TENM2: variants seen among roughly 807,000 people sequenced by gnomAD.
TENM2 encodes teneurin transmembrane protein 2.
TENM2 carries 52 observed loss-of-function variants against 245.2 expected under a neutral mutation model. That is an observed-to-expected ratio of 0.21 (90% CI 0.17 to 0.27). The LOEUF is 0.27. Among genes scored for constraint, TENM2 ranks in the 10% least tolerant of loss-of-function variants. TENM2 has a pLI of 1.00. For missense variants in TENM2, 3,046 were observed against 3,666.8 expected (o/e 0.83, Z 4.37); for synonymous variants, 1,363 against 1,438.9 (o/e 0.95, Z 1.19).
At chr5:166,985,593 C>T in the TENM2 span, among the ~76,000 whole-genome samples, 12 of 152,026 alleles carry the variant, frequency 7.9e-5, no homozygotes, top group Non-Finnish European at 1.8e-4. Flanking sequence ...CATAATCAGA[C>T]GCAGTCAGAT....
At chr5:168,118,391 A>C in exon 10 of TENM2, 3 of 1,611,710 alleles carry the variant, frequency 1.9e-6, no homozygotes, top group Non-Finnish European at 2.5e-6. Flanking sequence ...GTGCCCATGA[A>C]TCAGTGCATC....
intron 3 of TENM2, among the ~76,000 whole-genome samples, chr5:167,950,147 T>C (rs900715237): frequency 6.6e-6 from 1 of 152,190 alleles, no homozygotes; most frequent in African/African-American, 2.4e-5. Flanking sequence ...AAAGAGAACT[T>C]GACCTCTCTT....
chr5:167,340,982 C>T (rs193288769), intron 1 of TENM2, among the ~76,000 whole-genome samples: 230 of 151,902 alleles, frequency 1.5e-3, no homozygotes, highest in African/African-American at 5.3e-3. Flanking sequence ...TTTCTCTCTC[C>T]TCCCGTCCCT....
chr5:167,925,652 C>A (rs1490026589), intron 3 of TENM2, among the ~76,000 whole-genome samples: 1 of 152,168 alleles, frequency 6.6e-6, no homozygotes, highest in Non-Finnish European at 1.5e-5. Context: ...GAGGCACGCA[C>A]ATAAATGTTC....
intron 1 of TENM2, among the ~76,000 whole-genome samples, chr5:167,320,093 A>G (rs758164802): frequency 6.6e-6 from 1 of 152,212 alleles, no homozygotes; most frequent in Non-Finnish European, 1.5e-5. Context: ...AAGTACTTCT[A>G]TTAGTCCCAC....
At chr5:167,366,305 A>C (rs533337017) in intron 1 of TENM2, among the ~76,000 whole-genome samples, 12 of 152,262 alleles carry the variant, frequency 7.9e-5, no homozygotes, top group African/African-American at 2.9e-4. Context: ...TAGAAAATTT[A>C]TTGTTCCTAA....
intron 2 of TENM2, among the ~76,000 whole-genome samples, chr5:167,482,254 A>G (rs936965795): frequency 2.0e-5 from 3 of 152,180 alleles, no homozygotes; most frequent in African/African-American, 7.2e-5. Context: ...ATATGTTTGA[A>G]ACCTTACTCT....
At chr5:167,751,693 A>G (rs1295526501) in intron 2 of TENM2, among the ~76,000 whole-genome samples, 1 of 152,144 alleles carries the variant, frequency 6.6e-6, no homozygotes, top group Non-Finnish European at 1.5e-5. Context: ...TTCCAGATTA[A>G]TAAATTGCTT....
the TENM2 span, among the ~76,000 whole-genome samples, chr5:167,113,998 C>T: frequency 6.6e-6 from 1 of 152,142 alleles, no homozygotes; most frequent in Non-Finnish European, 1.5e-5. Context: ...CCACTGTGCT[C>T]CTCTCAAGGG....
At chr5:167,308,741 G>A (rs993946097) in intron 1 of TENM2, among the ~76,000 whole-genome samples, 3 of 152,094 alleles carry the variant, frequency 2.0e-5, no homozygotes, top group Non-Finnish European at 4.4e-5. Context: ...ATATGCTGTC[G>A]GGCTCTGCTC....
At chr5:167,890,744 A>G (rs1048886330) in intron 3 of TENM2, among the ~76,000 whole-genome samples, 1 of 152,118 alleles carries the variant, frequency 6.6e-6, no homozygotes, top group African/African-American at 2.4e-5. Context: ...TAGCATTTGT[A>G]TCTTCAATCT....
In TENM2 at chr5:167,503,342, A is replaced by C. The variant is rs144225522; in HGVS notation, c.502+127869A>C. Among the ~76,000 whole-genome samples the C allele has an allele frequency of 8.1e-3, 1,233 of 152,238 alleles. 21 individuals carry two copies. Among genetic ancestry groups the C allele is most frequent in the African/African-American group, 0.028 (1,157 of 41,540 alleles). On this transcript the variant is annotated intron_variant, in intron 2 of 28. Transcript: ENST00000518659. ...TTCTCACTTAACAAATCTAATGCTT[A>C]ACTTAGACAGTGCATTTGTAGAAAT...
intron 1 of TENM2, among the ~76,000 whole-genome samples, chr5:167,313,376 C>T (rs984557737): frequency 1.3e-5 from 2 of 152,110 alleles, no homozygotes; most frequent in Non-Finnish European, 2.9e-5. Flanking sequence ...AGCGGTGGCT[C>T]ACGCCTTATA....
chr5:168,159,092 C>T (rs977598253), intron 12 of TENM2, among the ~76,000 whole-genome samples: 23 of 150,810 alleles, frequency 1.5e-4, no homozygotes, highest in Admixed American at 5.3e-4. Flanking sequence ...TGCAGTGAGC[C>T]GACATTGCGC....
chr5:167,773,893 G>C (rs1483006492), intron 2 of TENM2, among the ~76,000 whole-genome samples: 1 of 152,066 alleles, frequency 6.6e-6, no homozygotes, highest in African/African-American at 2.4e-5. Flanking sequence ...CATGTCGCTT[G>C]TTATTACATT....
At chr5:167,401,535 G>A (rs1252351830) in intron 2 of TENM2, among the ~76,000 whole-genome samples, 1 of 152,038 alleles carries the variant, frequency 6.6e-6, no homozygotes, top group Non-Finnish European at 1.5e-5. Context: ...CTGAATAAAA[G>A]GCTAACACAC....
chr5:168,195,395 G>T, intron 15 of TENM2, 100 bp downstream of exon 17: 1 of 1,403,596 alleles, frequency 7.1e-7, no homozygotes, highest in Non-Finnish European at 9.7e-7. Flanking sequence ...CCCCCTGGTG[G>T]ACTGGAATGT....
chr5:168,198,254 G>A (rs1389782150), intron 15 of TENM2, among the ~76,000 whole-genome samples: 1 of 140,792 alleles, frequency 7.1e-6, no homozygotes, highest in African/African-American at 2.8e-5. Context: ...GGAGTACAGT[G>A]GCGCAATCTC....
At chr5:168,004,513 G>A (rs898158397) in intron 5 of TENM2, among the ~76,000 whole-genome samples, 6 of 75,882 alleles carry the variant, frequency 7.9e-5, no homozygotes, top group East Asian at 7.5e-4. Flanking sequence ...GCATGCGCGC[G>A]CGCGCACACA....
Sources: allele counts gnomAD v4.1 joint callset (sites outside exome capture counted in the v4.1 genomes callset), GRCh38; gene constraint gnomAD v4.1.1; transcripts MANE v1.5; gene names NCBI Gene and HGNC (gene_info 2026-07-23, HGNC 2026-07-21).